Variants in SLC4A5 observed in about 807,000 individuals in gnomAD.
The protein encoded by SLC4A5 is electrogenic sodium bicarbonate cotransporter 4.
SLC4A5 carries 96 observed loss-of-function variants against 120.4 expected under a neutral mutation model. The ratio of observed to expected loss-of-function variants is 0.80; its 90% confidence interval spans 0.68 to 0.94. The LOEUF (loss-of-function observed/expected upper bound fraction) is 0.94. SLC4A5 is among the 40% of genes least tolerant of loss of function. The probability of loss-of-function intolerance (pLI) is 0.00; values close to 1 mark genes in which losing one functional copy is unlikely to be tolerated. For missense variants in SLC4A5, 1,259 were observed against 1,459.5 expected (o/e 0.86, Z 2.24); for synonymous variants, 550 against 571.1 (o/e 0.96, Z 0.53).
rs569157152 is a variant in SLC4A5 at position 74,302,855 on chromosome 2, G to A, written c.271+1634C>T. Among the ~76,000 whole-genome samples, 11 of 152,254 alleles carry A rather than the reference G, an allele frequency of 7.2e-5. 1 individual carries two copies. The East Asian group carries it at 1.7e-3, about 24-fold the overall frequency. On this transcript the variant is annotated intron_variant, in intron 7 of 30. Coordinates refer to ENST00000394019, the Ensembl canonical transcript of SLC4A5. ...CCAGCAGACTCCACCTTCCAAGGAC[G>A]ACCTCAATCCTGAATGTAGGAGAGG...
chr2:74,265,395 C>G (rs770907867), intron 8 of SLC4A5, 131 bp from the exon 9 acceptor site: 36 of 1,061,554 alleles, frequency 3.4e-5, no homozygotes, highest in Non-Finnish European at 4.6e-5. Flanking sequence ...CCCAGACTCA[C>G]AGGCAGAGGA....
intron 8 of SLC4A5, among the ~76,000 whole-genome samples, chr2:74,270,032 G>A (rs1234267705): frequency 1.3e-5 from 2 of 152,224 alleles, no homozygotes. Flanking sequence ...TAACCCACAT[G>A]AGAATAGCCT....
chr2:74,314,960 ATCTCCTCC>A lies in SLC4A5; in HGVS notation c.56_63del (p.Arg19IlefsTer25). 1 of 1,613,194 alleles carries A rather than the reference ATCTCCTCC, an allele frequency of 6.2e-7. No individual in the cohort carries two copies. Among genetic ancestry groups the A allele is most frequent in the Non-Finnish European group, 8.5e-7 (1 of 1,179,284 alleles). ...GTGACCTCACCTTTCTGATCCGGAA[ATCTCCTCC>A]TGTGGTTAGTGTGGTCCAGCTTTCC... On this transcript the variant is annotated frameshift_variant, in exon 6 of 31. Transcript: ENST00000394019. LOFTEE classifies it high-confidence loss of function.
intron 26 of SLC4A5, chr2:74,227,428 G>A: frequency 6.7e-7 from 1 of 1,500,002 alleles, no homozygotes. Flanking sequence ...AGAATTCTGG[G>A]ATTTCACAGT....
intron 7 of SLC4A5, among the ~76,000 whole-genome samples, chr2:74,301,770 C>T (rs1017684264): frequency 6.6e-6 from 1 of 152,238 alleles, no homozygotes; most frequent in African/African-American, 2.4e-5. Flanking sequence ...GAGACTTCCA[C>T]TCCGTGAAGA....
intron 8 of SLC4A5, among the ~76,000 whole-genome samples, chr2:74,277,818 C>T (rs116086752): frequency 5.0e-4 from 76 of 152,038 alleles, no homozygotes; most frequent in African/African-American, 1.8e-3. Flanking sequence ...GGAAATATAA[C>T]GGCATTGTGT....
At chr2:74,227,948 C>A in intron 25 of SLC4A5, 70 bp from the exon 26 acceptor site, 1 of 1,199,616 alleles carries the variant, frequency 8.3e-7, no homozygotes, top group South Asian at 1.5e-5. Context: ...TTCTGGATGA[C>A]AGTGGCTCCT....
At chr2:74,300,632 G>C (rs1672452249) in intron 7 of SLC4A5, among the ~76,000 whole-genome samples, 1 of 152,120 alleles carries the variant, frequency 6.6e-6, no homozygotes, top group Admixed American at 6.5e-5. Context: ...TCACCACCTA[G>C]GCCTATGTGC....
chr2:74,250,817 C>A (rs886517030), intron 16 of SLC4A5: 2 of 310,412 alleles, frequency 6.4e-6, no homozygotes, highest in Non-Finnish European at 1.2e-5. Flanking sequence ...TCCTGGGGTC[C>A]ACAGATGGTG....
intron 6 of SLC4A5, among the ~76,000 whole-genome samples, chr2:74,308,750 T>C (rs1247931046): frequency 1.3e-5 from 2 of 151,204 alleles, no homozygotes; most frequent in East Asian, 1.9e-4. Context: ...TTTTTTTTTT[T>C]CATCAATTGT....
intron 2 of SLC4A5, among the ~76,000 whole-genome samples, chr2:74,340,997 T>TAGA (rs1198643931): frequency 6.6e-6 from 1 of 152,160 alleles, no homozygotes; most frequent in African/African-American, 2.4e-5. Context: ...AAGCAAGAGC[T>TAGA]AGTCCCACCG....
intron 14 of SLC4A5, 90 bp downstream of exon 14, chr2:74,254,529 G>C: frequency 9.9e-7 from 1 of 1,006,844 alleles, no homozygotes; most frequent in Non-Finnish European, 1.6e-6. Context: ...GTGCTCAAAT[G>C]TGCTGGCTGG....
intron 7 of SLC4A5, among the ~76,000 whole-genome samples, chr2:74,286,597 T>G (rs906989354): frequency 6.6e-6 from 1 of 152,240 alleles, no homozygotes; most frequent in Non-Finnish European, 1.5e-5. Context: ...AATAAAGCTA[T>G]GAAGAAGACC....
chr2:74,232,709 C>T, intron 23 of SLC4A5, 62 bp from the exon 24 acceptor site: 4 of 1,579,814 alleles, frequency 2.5e-6, no homozygotes, highest in Non-Finnish European at 2.6e-6. Context: ...CTGGATGCAA[C>T]CATTCTGTGG....
chr2:74,297,388 C>T (rs2104228614), intron 7 of SLC4A5, among the ~76,000 whole-genome samples: 1 of 152,278 alleles, frequency 6.6e-6, no homozygotes, highest in South Asian at 2.1e-4. Flanking sequence ...CACTGAAAGT[C>T]CTTCCTCCCT....
chr2:74,219,361 A>G (rs13426653), intron 30 of SLC4A5, among the ~76,000 whole-genome samples: 72,890 of 151,770 alleles, frequency 0.48, 18,302 homozygotes, highest in African/African-American at 0.61. Flanking sequence ...CTCCCTGTGT[A>G]CTCCGATATT....
chr2:74,246,901 T>C, intron 19 of SLC4A5, 135 bp downstream of exon 19: 1 of 1,155,580 alleles, frequency 8.7e-7, no homozygotes, highest in Non-Finnish European at 1.2e-6. Flanking sequence ...CAAGACCCTG[T>C]ATTTGCTCTC....
At chr2:74,330,683 T>A (rs1242558533) in intron 4 of SLC4A5, among the ~76,000 whole-genome samples, 1 of 143,312 alleles carries the variant, frequency 7.0e-6, no homozygotes, top group Admixed American at 6.9e-5. Context: ...AGGTGTGTGG[T>A]TTAGGTGTAG....
intron 3 of SLC4A5, among the ~76,000 whole-genome samples, chr2:74,336,695 A>C (rs1673499451): frequency 6.6e-6 from 1 of 152,210 alleles, no homozygotes; most frequent in South Asian, 2.1e-4. Flanking sequence ...GGGGATGGGA[A>C]TAGGGAGTCT....
Sources: gnomAD v4.1 joint callset for allele counts (sites outside exome capture counted in the v4.1 genomes callset) on GRCh38, gnomAD v4.1.1 for gene constraint, MANE v1.5 for transcripts, NCBI Gene and HGNC (gene_info 2026-07-23, HGNC 2026-07-21) for gene names.